The following SLAIN2 variants were observed in gnomAD, a reference collection of about 807,000 sequenced individuals.
SLAIN2 encodes the protein SLAIN family member 2.
Under a neutral mutation model 56.6 loss-of-function variants are expected in SLAIN2, and 31 were observed. The ratio of observed to expected loss-of-function variants is 0.55; its 90% CI spans 0.41 to 0.74. The LOEUF (loss-of-function observed/expected upper bound fraction) is 0.74. Ranked by LOEUF, SLAIN2 falls within the 30% of genes least tolerant of loss-of-function variation. The probability of loss-of-function intolerance (pLI) is 0.00; values close to 1 mark genes in which losing one functional copy is unlikely to be tolerated. For missense variants in SLAIN2, 777 were observed against 754.2 expected, an observed-to-expected ratio of 1.03 and a Z score of -0.35; for synonymous variants, 317 against 284.9, an observed-to-expected ratio of 1.11 and a Z score of -1.13.
chr4:48,424,686 T>A lies in SLAIN2; in HGVS notation c.*2609T>A, dbSNP rs2109794919. The A allele has an allele frequency of 1.3e-5, 2 of 152,186 alleles. No individual in the cohort carries two copies. Among genetic ancestry groups the A allele is most frequent in the South Asian group, 4.1e-4 (2 of 4,824 alleles). The allele number at this position is 152,186 out of a possible 1,614,324, so 9.4% of individuals were successfully genotyped here. A position where few individuals can be genotyped will look rare whatever the true frequency, so the allele number is the denominator to read the frequency against. ...TTGACTTTTTTTCAGTTTCGTATCCTGGAAATCACATTTTGTAAAACTGGG... is the reference window on the plus strand; with the variant it reads ...TTGACTTTTTTTCAGTTTCGTATCCAGGAAATCACATTTTGTAAAACTGGG... On this transcript the variant is annotated 3_prime_UTR_variant, in exon 8 of 8. Coordinates refer to ENST00000264313, the MANE Select transcript of SLAIN2 (RefSeq NM_020846.2).
At position 48,425,413 on chromosome 4, in the gene SLAIN2, C is replaced by G. The variant is rs1717275116; in HGVS notation, c.*3336C>G. 6.6e-6 allele frequency: 1 copy of G among 152,192 alleles called. No homozygotes were observed. Among genetic ancestry groups the G allele is most frequent in the South Asian group, 2.1e-4 (1 of 4,828 alleles). The allele number at this position is 152,192 out of a possible 1,614,324, so 9.4% of individuals were successfully genotyped here. A position where few individuals can be genotyped will look rare whatever the true frequency, so the allele number is the denominator to read the frequency against. ...CCAAGAGGGACAATTAATGCATTTT[C>G]ATACCAAATGCGAATATTTAGGTGA... On this transcript the variant is annotated 3_prime_UTR_variant, in exon 8 of 8. Coordinates refer to ENST00000264313, the MANE Select transcript of SLAIN2 (RefSeq NM_020846.2).
In SLAIN2 at chr4:48,356,371, C is replaced by T. The variant is rs1178681492; in HGVS notation, c.390-13478C>T. 3.3e-5 allele frequency among the ~76,000 whole-genome samples: 5 copies of T among 151,812 alleles called. No homozygotes were observed. In the South Asian group the frequency reaches 1.0e-3, roughly 32 times the overall value. ...TGTTAGTAATTGCTATCTATATATG[C>T]AGTTGTAGCTGAAAAGATCTGTACT... is the stretch of plus-strand genomic sequence containing the variant. On this transcript the variant is annotated intron_variant, in intron 1 of 7. Coordinates refer to ENST00000264313, the MANE Select transcript of SLAIN2 (RefSeq NM_020846.2).
intron 6 of SLAIN2, 195 bp downstream of exon 6, chr4:48,383,979 A>C: frequency 1.8e-6 from 1 of 565,390 alleles, no homozygotes; most frequent in South Asian, 3.0e-5. Flanking sequence ...TCTATGTAGG[A>C]TACTTGATTC....
intron 6 of SLAIN2, among the ~76,000 whole-genome samples, chr4:48,419,659 A>G (rs1717095612): frequency 6.6e-6 from 1 of 152,196 alleles, no homozygotes; most frequent in Non-Finnish European, 1.5e-5. Flanking sequence ...ATTTTTAGTT[A>G]CAGTGTCAGT....
At position 48,395,704 on chromosome 4, in the gene SLAIN2, G is replaced by T. The variant is rs569427245; in HGVS notation, c.1360+11920G>T. ...GAATGTTTTTTGGTGCCATGGTCAG[G>T]TATGTTAGTAATAGACTGGATAGAT... On this transcript the variant is annotated intron_variant, in intron 6 of 7. Coordinates refer to ENST00000264313, the MANE Select transcript of SLAIN2 (RefSeq NM_020846.2). Among the ~76,000 whole-genome samples the T allele has an allele frequency of 3.3e-5, 5 of 150,908 alleles. No individual in the cohort carries two copies. The East Asian group carries it at 7.9e-4, about 24-fold the overall frequency.
intron 3 of SLAIN2, among the ~76,000 whole-genome samples, chr4:48,378,578 C>T (rs1715888783): frequency 6.6e-6 from 1 of 152,166 alleles, no homozygotes; most frequent in African/African-American, 2.4e-5. Flanking sequence ...TTCACGAATT[C>T]ACAATTCACC....
chr4:48,409,285 C>T (rs1268731416), intron 6 of SLAIN2, among the ~76,000 whole-genome samples: 3 of 151,864 alleles, frequency 2.0e-5, no homozygotes, highest in African/African-American at 7.3e-5. Context: ...AGGTCTTTCT[C>T]TATTTTTTTT....
intron 6 of SLAIN2, 85 bp downstream of exon 6, chr4:48,383,869 T>G (rs1445203326): frequency 1.4e-6 from 2 of 1,425,942 alleles, no homozygotes; most frequent in Non-Finnish European, 1.9e-6. Flanking sequence ...TGAAAAACCG[T>G]TTTTTATGCT....
chr4:48,378,775 G>GT (rs1161685416), intron 3 of SLAIN2, among the ~76,000 whole-genome samples: 1 of 152,078 alleles, frequency 6.6e-6, no homozygotes, highest in African/African-American at 2.4e-5. Flanking sequence ...ATGTTAAAAA[G>GT]TTTAAGCTGC....
At chr4:48,363,982 C>A (rs1439941001) in intron 1 of SLAIN2, among the ~76,000 whole-genome samples, 4 of 128,404 alleles carry the variant, frequency 3.1e-5, no homozygotes, top group South Asian at 2.9e-4. Flanking sequence ...GCTGACCCCC[C>A]CCACCTCCCT....
intron 6 of SLAIN2, among the ~76,000 whole-genome samples, chr4:48,396,806 T>TATAG (rs1180203329): frequency 6.6e-6 from 1 of 152,114 alleles, no homozygotes; most frequent in Non-Finnish European, 1.5e-5. Context: ...TACTTAACAA[T>TATAG]TGGAAATATA....
chr4:48,394,698 T>C (rs1365886603), intron 6 of SLAIN2: 5 of 1,488,504 alleles, frequency 3.4e-6, no homozygotes, highest in Non-Finnish European at 3.6e-6. Context: ...GCAAATGATC[T>C]AGTTAAATCT....
intron 2 of SLAIN2, among the ~76,000 whole-genome samples, chr4:48,376,363 A>G (rs1715809051): frequency 6.6e-6 from 1 of 151,724 alleles, no homozygotes; most frequent in Non-Finnish European, 1.5e-5. Flanking sequence ...GCTGAGGCAC[A>G]AGAATCGTTT....
chr4:48,410,868 C>T (rs1365856818), intron 6 of SLAIN2, among the ~76,000 whole-genome samples: 1 of 152,106 alleles, frequency 6.6e-6, no homozygotes, highest in Non-Finnish European at 1.5e-5. Flanking sequence ...CTTAGTGGTC[C>T]AAAATGTGCA....
chr4:48,343,462 T>G (rs999032182), intron 1 of SLAIN2, among the ~76,000 whole-genome samples: 2 of 152,256 alleles, frequency 1.3e-5, no homozygotes, highest in African/African-American at 4.8e-5. Flanking sequence ...CTGGTGATTC[T>G]TAAGTGTTGA....
At chr4:48,419,188 C>T (rs912247246) in intron 6 of SLAIN2, among the ~76,000 whole-genome samples, 5 of 151,928 alleles carry the variant, frequency 3.3e-5, no homozygotes, top group South Asian at 4.2e-4. Flanking sequence ...TTGCAACCTC[C>T]GCCTCCTGGG....
At chr4:48,378,790 T>C (rs1361560155) in intron 3 of SLAIN2, among the ~76,000 whole-genome samples, 1 of 152,202 alleles carries the variant, frequency 6.6e-6, no homozygotes, top group Non-Finnish European at 1.5e-5. Flanking sequence ...AGCTGCAATA[T>C]TTGTTTAAAA....
At chr4:48,414,210 G>T (rs1716937691) in intron 6 of SLAIN2, among the ~76,000 whole-genome samples, 2 of 152,148 alleles carry the variant, frequency 1.3e-5, no homozygotes, top group South Asian at 4.1e-4. Flanking sequence ...AGAGTAAAGA[G>T]AAATTATAAC....
rs1717191828 is a variant in SLAIN2, at chr4:48,422,731, C to T, written c.*654C>T. 6.6e-6 allele frequency: 1 copy of T among 152,264 alleles called. No homozygotes were observed. Among genetic ancestry groups the T allele is most frequent in the Non-Finnish European group, 1.5e-5 (1 of 68,122 alleles). The allele number at this position is 152,264 out of a possible 1,614,324, so 9.4% of individuals were successfully genotyped here. On this transcript the variant is annotated 3_prime_UTR_variant, in exon 8 of 8. Transcript: ENST00000264313. ...TAAGTTTTGGATGTAGCTCACATGT[C>T]ACCACCACCAGATAGTGTTACAGCA... is the stretch of plus-strand genomic sequence containing the variant.
Sources: allele counts gnomAD v4.1 joint callset (sites outside exome capture counted in the v4.1 genomes callset), GRCh38; gene constraint gnomAD v4.1.1; transcripts MANE v1.5; gene names NCBI Gene and HGNC (gene_info 2026-07-23, HGNC 2026-07-21).